OBI1: variants seen among roughly 807,000 people sequenced by gnomAD.
The protein encoded by OBI1 is ORC ubiquitin ligase 1, also known as ring finger protein 219.
OBI1 carries 59 observed loss-of-function variants against 62.4 expected under a neutral mutation model. The ratio of observed to expected loss-of-function variants is 0.95; its 90% CI spans 0.77 to 1.17. The LOEUF is 1.17. Ranked by LOEUF, OBI1 falls within the 50% of genes most tolerant of loss-of-function variation. The pLI is 0.00. For synonymous variants in OBI1, 302 were observed against 292.8 expected, an observed-to-expected ratio of 1.03 and a Z score of -0.32; for missense variants, 875 against 830.9, an observed-to-expected ratio of 1.05 and a Z score of -0.65.
At chr13:78,645,074 C>G in intron 1 of OBI1, 77 bp from the exon 2 acceptor site, 1 of 1,384,110 alleles carries the variant, frequency 7.2e-7, no homozygotes, top group East Asian at 2.3e-5. Flanking sequence ...TTACAGCAAA[C>G]TGCTTCTCTA....
chr13:78,633,205 A>G (rs1478124356), intron 5 of OBI1, among the ~76,000 whole-genome samples: 1 of 152,202 alleles, frequency 6.6e-6, no homozygotes, highest in Non-Finnish European at 1.5e-5. Context: ...AAACCACTAC[A>G]TAACAGTAAC....
chr13:78,615,837 G>C lies in OBI1; in HGVS notation c.1924C>G (p.Pro642Ala), dbSNP rs774407819. Residue 642 changes from proline (P) to alanine (A), a missense_variant, in exon 6 of 6, where the codon CCA (proline) becomes GCA (alanine). Transcript: ENST00000282003. ...AACTCTGTCTGAAACAAGCAGCTTG[G>C]GGGTTTGATTTCATTAGTTACTGGA... ...SCPVTNEIKP[P>A]SCLFQTEFSQ... 2.5e-6 allele frequency: 4 copies of C among 1,613,936 alleles called. No homozygotes were observed. The highest frequency in any genetic ancestry group is 3.3e-5 in the Admixed American group (2 of 59,988).
Position 78,615,871 on chromosome 13 carries a change from G to A in OBI1, c.1890C>T (p.Ser630=). ...TTTCATTAGTTACTGGACAAGAACT[G>A]GAATGGAGTGAAAAATCTTCATTCA... The part of the protein sequence containing the change: ...QEMNEDFSLH[S]SSCPVTNEIK... Residue 630 remains serine, a synonymous_variant, in exon 6 of 6, where the codon TCC becomes TCT. Transcript: ENST00000282003. 1.2e-6 allele frequency: 2 copies of A among 1,614,092 alleles called. No homozygotes were observed. The highest frequency in any genetic ancestry group is 1.7e-6 in the Non-Finnish European group (2 of 1,180,000).
chr13:78,647,999 A>G (rs1876434814), intron 1 of OBI1, among the ~76,000 whole-genome samples: 1 of 151,688 alleles, frequency 6.6e-6, no homozygotes, highest in African/African-American at 2.4e-5. Context: ...AAAATAATGA[A>G]CCATAGTGTT....
chr13:78,644,891 G>A lies in OBI1; in HGVS notation c.179C>T (p.Thr60Ile). The A allele has an allele frequency of 6.2e-7, 1 of 1,614,006 alleles. No homozygotes were observed. Among genetic ancestry groups the A allele is most frequent in the Non-Finnish European group, 8.5e-7 (1 of 1,179,940 alleles). ...AATTTCTTTGCAAGGATTTTCAGGA[G>A]TGATGGGGACTCTGCAAGCTGGACA... ...SQCPACRVPI[T>I]PENPCKEIIG... Residue 60 changes from threonine to isoleucine, a missense_variant, in exon 2 of 6, where the codon ACT (threonine) becomes ATT (isoleucine). Physicochemically the swap from Thr to Ile is moderately conservative, Grantham distance 89. Coordinates refer to ENST00000282003, the MANE Select transcript of OBI1 (RefSeq NM_024546.4).
intron 5 of OBI1, 31 bp from the exon 6 acceptor site, chr13:78,617,153 T>C (rs767652658): frequency 2.1e-5 from 31 of 1,490,900 alleles, no homozygotes; most frequent in Non-Finnish European, 2.5e-5. Flanking sequence ...GTTAATCTTA[T>C]AACTCAAGCT....
chr13:78,658,966 C>A, intron 1 of OBI1, 83 bp downstream of exon 1: 5 of 1,292,562 alleles, frequency 3.9e-6, no homozygotes, highest in Non-Finnish European at 5.5e-6. Flanking sequence ...GCCCCTTCCC[C>A]GCCCCCGCAC....
intron 5 of OBI1, among the ~76,000 whole-genome samples, chr13:78,629,341 T>A (rs1217121164): frequency 6.6e-6 from 1 of 152,148 alleles, no homozygotes; most frequent in African/African-American, 2.4e-5. Context: ...AATTCAATTA[T>A]AACCAAGTTT....
chr13:78,659,049 C>A lies in OBI1; in HGVS notation c.72G>T (p.Lys24Asn). 6.2e-7 allele frequency: 1 copy of A among 1,612,922 alleles called. No homozygotes were observed. The highest frequency in any genetic ancestry group is 8.5e-7 in the Non-Finnish European group (1 of 1,179,462). Residue 24 changes from lysine to asparagine, a missense_variant and splice_region_variant, in exon 1 of 6, where the codon AAG becomes AAT. Coordinates refer to ENST00000282003, the MANE Select transcript of OBI1 (RefSeq NM_024546.4). ...AGCTGTGCCCACAATCACCCATTAC[C>A]TTCCCCAAGCAAATGTGGCACGTGA... Reference protein sequence around the residue: ...LPITCHICLGKVRQPVICINN... With the variant: ...LPITCHICLGNVRQPVICINN...
intron 5 of OBI1, among the ~76,000 whole-genome samples, chr13:78,630,948 C>T (rs1016607140): frequency 6.6e-6 from 1 of 152,134 alleles, no homozygotes; most frequent in Admixed American, 6.5e-5. Flanking sequence ...TTCAAATTTA[C>T]CCAGCTGCCT....
At chr13:78,646,419 G>T (rs1050210531) in intron 1 of OBI1, among the ~76,000 whole-genome samples, 1 of 152,098 alleles carries the variant, frequency 6.6e-6, no homozygotes, top group Non-Finnish European at 1.5e-5. Context: ...AAAGTTGTCA[G>T]AAGGAAATAA....
intron 1 of OBI1, among the ~76,000 whole-genome samples, chr13:78,648,090 A>T (rs902471711): frequency 9.9e-5 from 15 of 152,250 alleles, no homozygotes; most frequent in Non-Finnish European, 1.6e-4. Flanking sequence ...CAGAGTCTCA[A>T]ATGGCAGACA....
intron 5 of OBI1, among the ~76,000 whole-genome samples, chr13:78,626,013 T>C (rs1366312618): frequency 1.3e-5 from 2 of 152,140 alleles, no homozygotes; most frequent in African/African-American, 4.8e-5. Flanking sequence ...AGCAGACCTG[T>C]GAAATGGAAC....
chr13:78,616,949 C>A lies in OBI1; in HGVS notation c.812G>T (p.Cys271Phe). ...GCCATCTGCAGAAAGTGCTGTCTGG[C>A]AAATGGAATTCATAGCTTCTTTCTC... Reference protein sequence around the residue: ...SEEKEAMNSICQTALSADGKG... With the variant: ...SEEKEAMNSIFQTALSADGKG... Residue 271 changes from cysteine (C) to phenylalanine (F), a missense_variant, in exon 6 of 6, where the codon TGC becomes TTC. By Grantham distance (205) the Cys-to-Phe change is radical. Coordinates refer to ENST00000282003, the MANE Select transcript of OBI1 (RefSeq NM_024546.4). The A allele has an allele frequency of 6.2e-7, 1 of 1,614,124 alleles. No individual in the cohort carries two copies. The highest frequency in any genetic ancestry group is 8.5e-7 in the Non-Finnish European group (1 of 1,180,020).
intron 5 of OBI1, among the ~76,000 whole-genome samples, chr13:78,626,148 TTC>T (rs1407331019): frequency 1.3e-5 from 2 of 152,188 alleles, no homozygotes; most frequent in Admixed American, 6.5e-5. Context: ...CCTCCTCTGT[TTC>T]TCTTTCTAAC....
chr13:78,615,891 C>CGAAT lies in OBI1; in HGVS notation c.1869_1870insATTC (p.Glu624IlefsTer15), dbSNP rs1389139506. 1 of 1,614,088 alleles carries CGAAT rather than the reference C, an allele frequency of 6.2e-7. No individual in the cohort carries two copies. Among genetic ancestry groups the CGAAT allele is most frequent in the East Asian group, 2.2e-5 (1 of 44,866 alleles). On this transcript the variant is annotated frameshift_variant, in exon 6 of 6. Transcript: ENST00000282003. LOFTEE classifies it high-confidence loss of function. ...GAACTGGAATGGAGTGAAAAATCTT[C>CGAAT]ATTCATTTCTTGGTCAGATGGAGAG...
intron 5 of OBI1, among the ~76,000 whole-genome samples, chr13:78,624,873 C>T (rs1439108677): frequency 6.6e-6 from 1 of 152,206 alleles, no homozygotes; most frequent in Non-Finnish European, 1.5e-5. Context: ...GAAACTGCAA[C>T]TAGTTAGCCT....
chr13:78,635,118 T>G lies in OBI1; in HGVS notation c.630A>C (p.Ser210=). The G allele has an allele frequency of 6.3e-7, 1 of 1,598,548 alleles. No individual in the cohort carries two copies. Among genetic ancestry groups the G allele is most frequent in the Non-Finnish European group, 8.6e-7 (1 of 1,168,384 alleles). The change falls in exon 5 of 6, where the codon TCA becomes TCC. Residue 210 remains serine, a synonymous_variant. Coordinates refer to ENST00000282003, the MANE Select transcript of OBI1 (RefSeq NM_024546.4). ...LRLKAEVDNR[S]PQKFGRFAVA... ...GGGAGCAAAATACATACTTTTGAGG[T>G]GATCTGTTATCAACTTCAGCCTTCA...
In OBI1 at chr13:78,615,584, C is replaced by G. The variant is rs1207191134; in HGVS notation, c.2177G>C (p.Ser726Thr). Residue 726 changes from serine (S) to threonine (T), a missense_variant, in exon 6 of 6, where the codon AGT becomes ACT. Physicochemically the swap from Ser to Thr is moderately conservative, Grantham distance 58 (BLOSUM62 1). Coordinates refer to ENST00000282003, the MANE Select transcript of OBI1 (RefSeq NM_024546.4). ...SSASPSKATKS is the reference protein window; with the variant it reads ...SSASPSKATKT ...AAATGACACCTTTCTAATGAGTCAA[C>G]TTTTAGTTGCTTTTGATGGGCTGGC... is the stretch of plus-strand genomic sequence containing the variant. 2 of 1,591,532 alleles carry G rather than the reference C, an allele frequency of 1.3e-6. No individual in the cohort carries two copies. Among genetic ancestry groups the G allele is most frequent in the South Asian group, 2.3e-5 (2 of 87,000 alleles).
Sources: allele counts gnomAD v4.1 joint callset (sites outside exome capture counted in the v4.1 genomes callset), GRCh38; gene constraint gnomAD v4.1.1; transcripts MANE v1.5; gene names NCBI Gene and HGNC (gene_info 2026-07-23, HGNC 2026-07-21).